TMEM120B: variants seen among roughly 807,000 people sequenced by gnomAD.
TMEM120B encodes the protein transmembrane protein 120B.
A neutral mutation model predicts 55.5 loss-of-function variants in TMEM120B; 31 were observed. The ratio of observed to expected loss-of-function variants is 0.56; its 90% CI spans 0.42 to 0.75. The LOEUF (loss-of-function observed/expected upper bound fraction) is 0.75, where lower values mean the gene tolerates loss of function less well. TMEM120B is among the 30% of genes least tolerant of loss of function. The probability of loss-of-function intolerance (pLI) is 0.00; values close to 1 mark genes in which losing one functional copy is unlikely to be tolerated. For missense variants in TMEM120B, 399 were observed against 425.5 expected, an observed-to-expected ratio of 0.94 and a Z score of 0.55; for synonymous variants, 203 against 176.3, an observed-to-expected ratio of 1.15 and a Z score of -1.20.
Position 121,779,813 on chromosome 12 carries a change from A to T in TMEM120B, c.*4091A>T. On this transcript the variant is annotated 3_prime_UTR_variant, in exon 12 of 12. Transcript: ENST00000449592. Reference sequence around the variant, plus strand: ...CTCCTCCATCCTGGCTGCCCCTCACAGTGTGTGGGTGGAATGGAGGGCCAG... The same window carrying T: ...CTCCTCCATCCTGGCTGCCCCTCACTGTGTGTGGGTGGAATGGAGGGCCAG... 1.3e-6 allele frequency: 1 copy of T among 794,380 alleles called. No homozygotes were observed. Among genetic ancestry groups the T allele is most frequent in the Non-Finnish European group, 2.0e-6 (1 of 506,316 alleles). 49.2% of individuals were successfully genotyped at this position (794,380 alleles called of 1,614,324 possible).
intron 4 of TMEM120B, among the ~76,000 whole-genome samples, chr12:121,750,750 CCCACACT>C (rs1873264058): frequency 1.4e-5 from 2 of 145,466 alleles, no homozygotes; most frequent in South Asian, 2.2e-4. Flanking sequence ...ATACTCACAC[CCCACACT>C]CCACACTCAC....
Position 121,775,835 on chromosome 12 carries a change from G to A in TMEM120B, c.*113G>A, listed in dbSNP as rs528679976. The A allele has an allele frequency of 1.8e-6, 2 of 1,127,030 alleles. No homozygotes were observed. The highest frequency in any genetic ancestry group is 3.0e-5 in the African/African-American group (2 of 65,746). 69.8% of individuals were successfully genotyped at this position (1,127,030 alleles called of 1,614,324 possible). On this transcript the variant is annotated 3_prime_UTR_variant, in exon 12 of 12. Coordinates refer to ENST00000449592, the MANE Select transcript of TMEM120B (RefSeq NM_001080825.2). The surrounding 1 kb of genome is among the most constrained non-coding windows in gnomAD (Gnocchi z 4.3). ...TCGCTGGGAGAGGGCCCAGGCCCTG[G>A]TCCCCCAGTGGACCCCAGTGGTCTA...
intron 2 of TMEM120B, 74 bp downstream of exon 2, chr12:121,743,821 G>A: frequency 9.0e-7 from 1 of 1,107,524 alleles, no homozygotes; most frequent in Non-Finnish European, 1.4e-6. Flanking sequence ...GGCTGAAGCA[G>A]AGAATGGAAA....
chr12:121,742,300 GC>G (rs201197641), intron 1 of TMEM120B, among the ~76,000 whole-genome samples: 7,951 of 152,094 alleles, frequency 0.052, 273 homozygotes, highest in Non-Finnish European at 0.076. Flanking sequence ...ACCGTGCCCG[GC>G]CTGACTTAAT....
rs1166905739 is a variant in TMEM120B, at chr12:121,712,806, C to A, written c.-90C>A. ...AACAGCTGGTGCCTCCGAGGGCGGTCGGCGAGCGCGCGGGCGTGGGGCGCT... is the reference window on the plus strand; with the variant it reads ...AACAGCTGGTGCCTCCGAGGGCGGTAGGCGAGCGCGCGGGCGTGGGGCGCT... On this transcript the variant is annotated 5_prime_UTR_variant, in exon 1 of 12. Transcript: ENST00000449592. 6.0e-6 allele frequency: 6 copies of A among 1,000,102 alleles called. No individual in the cohort carries two copies. In the East Asian group the frequency reaches 1.1e-4, roughly 18 times the overall value. 62.0% of individuals were successfully genotyped at this position (1,000,102 alleles called of 1,614,324 possible).
At chr12:121,739,082 G>A (rs1450744523) in intron 1 of TMEM120B, among the ~76,000 whole-genome samples, 1 of 152,160 alleles carries the variant, frequency 6.6e-6, no homozygotes, top group East Asian at 1.9e-4. Context: ...AGCTACTTGG[G>A]AGGCTGAGGC....
chr12:121,716,717 C>T (rs542203072), intron 1 of TMEM120B, among the ~76,000 whole-genome samples: 65 of 151,974 alleles, frequency 4.3e-4, no homozygotes, highest in Middle Eastern at 6.8e-3. Context: ...CACCCGCCAC[C>T]GTGCCCGGCT....
chr12:121,730,647 CA>C (rs71079088), intron 1 of TMEM120B, among the ~76,000 whole-genome samples: 40,827 of 94,114 alleles, frequency 0.43, 7,915 homozygotes, highest in Middle Eastern at 0.57. Context: ...GAGACACAGT[CA>C]AAAAAAAAAA....
chr12:121,750,791 T>C (rs1254163917), intron 4 of TMEM120B, among the ~76,000 whole-genome samples: 4 of 61,502 alleles, frequency 6.5e-5, no homozygotes, highest in Admixed American at 1.9e-4. Context: ...CAGCCACACC[T>C]ACACCCCACA....
rs548300681 is a variant in TMEM120B, at chr12:121,770,762, C to T, written c.552-145C>T. The T allele has an allele frequency of 5.3e-5, 38 of 723,390 alleles. No individual in the cohort carries two copies. The Admixed American group carries it at 6.8e-4, about 13-fold the overall frequency. 44.8% of individuals were successfully genotyped at this position (723,390 alleles called of 1,614,324 possible). On this transcript the variant is annotated intron_variant, in intron 6 of 11. Transcript: ENST00000449592. ...GCCCTGTGGGACAGAGAGGAGGGCA[C>T]GGTCAGGGTTCCAGTCTGTTTCTTA...
At chr12:121,735,971 G>A (rs751366704) in intron 1 of TMEM120B, among the ~76,000 whole-genome samples, 3 of 151,756 alleles carry the variant, frequency 2.0e-5, no homozygotes, top group Middle Eastern at 3.4e-3. Flanking sequence ...ATTACAGTGC[G>A]CCTGGCCATA....
Position 121,781,533 on chromosome 12 carries a change from A to C in TMEM120B, c.*5811A>C. On this transcript the variant is annotated 3_prime_UTR_variant, in exon 12 of 12. Coordinates refer to ENST00000449592, the MANE Select transcript of TMEM120B (RefSeq NM_001080825.2). ...TGGATGGTGGTAAAGAATCCTCAAG[A>C]TCAAACCCACGCAGTGCTGAGAGCT... 1 of 286,508 alleles carries C rather than the reference A, an allele frequency of 3.5e-6. No homozygotes were observed. 17.7% of individuals were successfully genotyped at this position (286,508 alleles called of 1,614,324 possible).
At chr12:121,713,168 C>T (rs1237355972) in intron 1 of TMEM120B, among the ~76,000 whole-genome samples, 1 of 152,112 alleles carries the variant, frequency 6.6e-6, no homozygotes, top group Non-Finnish European at 1.5e-5. Context: ...CGCCGGGTCG[C>T]AGCCCCCTCT....
chr12:121,768,719 C>T (rs752531880), intron 6 of TMEM120B, among the ~76,000 whole-genome samples: 12 of 152,128 alleles, frequency 7.9e-5, no homozygotes, highest in Non-Finnish European at 1.5e-4. Context: ...CTGGGGAGGC[C>T]AGCCAAGGCC....
At chr12:121,750,501 C>T in intron 4 of TMEM120B, 62 bp downstream of exon 4, 1 of 1,347,688 alleles carries the variant, frequency 7.4e-7, no homozygotes, top group Non-Finnish European at 1.0e-6. Context: ...CCCACACCCA[C>T]ACCCCAAACC....
At chr12:121,714,825 G>C (rs1350705516) in intron 1 of TMEM120B, among the ~76,000 whole-genome samples, 5 of 151,816 alleles carry the variant, frequency 3.3e-5, no homozygotes, top group Non-Finnish European at 7.4e-5. Flanking sequence ...CTCCCAAAGT[G>C]CTGGGATTAC....
chr12:121,770,092 G>A (rs974045594), intron 6 of TMEM120B, among the ~76,000 whole-genome samples: 18 of 152,118 alleles, frequency 1.2e-4, no homozygotes, highest in Non-Finnish European at 1.9e-4. Flanking sequence ...GGGTGAGCCC[G>A]CTGGGTGTAG....
chr12:121,716,470 G>C (rs1245561482), intron 1 of TMEM120B, among the ~76,000 whole-genome samples: 2 of 151,844 alleles, frequency 1.3e-5, no homozygotes, highest in African/African-American at 4.8e-5. Flanking sequence ...AATCCGGGTT[G>C]AGGGTTTCAT....
intron 5 of TMEM120B, among the ~76,000 whole-genome samples, chr12:121,760,072 A>G (rs1873619821): frequency 6.7e-6 from 1 of 149,708 alleles, no homozygotes; most frequent in Admixed American, 6.7e-5. Flanking sequence ...CGGAGGTTGC[A>G]GTAAGCCGAG....
Sources: allele counts gnomAD v4.1 joint callset (sites outside exome capture counted in the v4.1 genomes callset), GRCh38; gene constraint gnomAD v4.1.1; non-coding constraint Gnocchi (gnomAD v3.1); transcripts MANE v1.5; gene names NCBI Gene and HGNC (gene_info 2026-07-23, HGNC 2026-07-21).